DDX10: variants seen among roughly 807,000 people sequenced by gnomAD.
The protein encoded by DDX10 is DEAD-box helicase 10.
Under a neutral mutation model 104.3 loss-of-function variants are expected in DDX10, and 74 were observed. The observed-to-expected ratio is 0.71, with a 90% CI of 0.59 to 0.86. The LOEUF is 0.86. Ranked by LOEUF, DDX10 falls within the 40% of genes least tolerant of loss-of-function variation. The probability of loss-of-function intolerance (pLI) is 0.00; values close to 1 mark genes in which losing one functional copy is unlikely to be tolerated. For missense variants in DDX10, 952 were observed against 1,040.0 expected (o/e 0.92, Z 1.16); for synonymous variants, 351 against 353.4 (o/e 0.99, Z 0.08).
intron 13 of DDX10, among the ~76,000 whole-genome samples, chr11:108,804,574 C>G (rs1862071720): frequency 6.6e-6 from 1 of 150,922 alleles, no homozygotes; most frequent in South Asian, 2.1e-4. Context: ...TTTATTATCT[C>G]TTGTTTTCTT....
At chr11:108,757,947 CTT>C (rs1418576439) in intron 13 of DDX10, among the ~76,000 whole-genome samples, 7 of 151,996 alleles carry the variant, frequency 4.6e-5, no homozygotes. Flanking sequence ...ACCTGGCAAA[CTT>C]TAAACCAGAA....
intron 16 of DDX10, among the ~76,000 whole-genome samples, chr11:108,899,781 A>G (rs1863491522): frequency 6.6e-6 from 1 of 152,122 alleles, no homozygotes; most frequent in Admixed American, 6.5e-5. Context: ...TGTCCTCGCA[A>G]TAGTGAGTGA....
intron 13 of DDX10, among the ~76,000 whole-genome samples, chr11:108,749,486 T>C (rs1254599476): frequency 6.6e-6 from 1 of 152,154 alleles, no homozygotes; most frequent in Non-Finnish European, 1.5e-5. Flanking sequence ...GAGCTGATCG[T>C]TTTTTGTTAC....
intron 13 of DDX10, among the ~76,000 whole-genome samples, chr11:108,799,270 T>C (rs1454289695): frequency 6.6e-6 from 1 of 152,212 alleles, no homozygotes; most frequent in African/African-American, 2.4e-5. Context: ...TATTCTCCCT[T>C]TCACCAGATT....
chr11:108,825,336 G>C (rs1395143883), intron 13 of DDX10, among the ~76,000 whole-genome samples: 1 of 152,184 alleles, frequency 6.6e-6, no homozygotes, highest in Non-Finnish European at 1.5e-5. Flanking sequence ...TTTTTCTTAA[G>C]ATATTTAATT....
intron 6 of DDX10, among the ~76,000 whole-genome samples, chr11:108,685,326 C>T (rs1374178400): frequency 4.6e-5 from 7 of 151,094 alleles, no homozygotes; most frequent in South Asian, 2.1e-4. Flanking sequence ...TTCTTTGACT[C>T]GGAAAGGGAA....
chr11:108,707,046 C>G (rs2094277133), intron 10 of DDX10, among the ~76,000 whole-genome samples: 1 of 152,276 alleles, frequency 6.6e-6, no homozygotes, highest in East Asian at 1.9e-4. Context: ...CCCAAACATG[C>G]ACAGCCTCTG....
intron 1 of DDX10, among the ~76,000 whole-genome samples, chr11:108,667,338 A>G (rs1022097206): frequency 7.9e-5 from 12 of 152,252 alleles, no homozygotes; most frequent in Non-Finnish European, 1.5e-4. Context: ...TACTTCTGCT[A>G]GAATGATTCT....
chr11:108,672,479 T>C (rs2094218410), intron 1 of DDX10, among the ~76,000 whole-genome samples: 1 of 152,234 alleles, frequency 6.6e-6, no homozygotes. Context: ...TCCTTTCCAG[T>C]GATATCTGAA....
intron 16 of DDX10, among the ~76,000 whole-genome samples, chr11:108,913,605 C>G (rs910828950): frequency 6.6e-6 from 1 of 152,132 alleles, no homozygotes; most frequent in African/African-American, 2.4e-5. Context: ...ACAGGTTTGC[C>G]TGACACAGTC....
chr11:108,736,815 C>T lies in DDX10; in HGVS notation c.1965+13353C>T, dbSNP rs549486903. 4.6e-5 allele frequency among the ~76,000 whole-genome samples: 7 copies of T among 152,252 alleles called. No homozygotes were observed. The South Asian group carries it at 1.5e-3, about 32-fold the overall frequency. ...TCCAGAACTTTGAAAAATTTCTCTTCTTTATAAATTACACTGTTCCAGGTA... is the reference window on the plus strand; with the variant it reads ...TCCAGAACTTTGAAAAATTTCTCTTTTTTATAAATTACACTGTTCCAGGTA... On this transcript the variant is annotated intron_variant, in intron 13 of 17. Transcript: ENST00000322536.
chr11:108,730,055 C>A (rs2094310162), intron 13 of DDX10: 1 of 152,764 alleles, frequency 6.5e-6, no homozygotes, highest in South Asian at 2.1e-4. Flanking sequence ...TTTGGCAATT[C>A]AGAGTAAAAG....
intron 13 of DDX10, among the ~76,000 whole-genome samples, chr11:108,809,275 C>A (rs560067927): frequency 6.6e-6 from 1 of 152,054 alleles, no homozygotes; most frequent in African/African-American, 2.4e-5. Flanking sequence ...TGTTAAAATG[C>A]GAGACATTTT....
intron 13 of DDX10, among the ~76,000 whole-genome samples, chr11:108,766,617 T>C (rs772005495): frequency 6.6e-5 from 10 of 152,244 alleles, no homozygotes; most frequent in Non-Finnish European, 1.5e-4. Flanking sequence ...TATTTGTGGT[T>C]CATAAAATTT....
chr11:108,721,211 T>C (rs1274302550), intron 12 of DDX10, among the ~76,000 whole-genome samples: 3 of 152,202 alleles, frequency 2.0e-5, no homozygotes, highest in Non-Finnish European at 4.4e-5. Context: ...TAACAGGTAA[T>C]ATGTCAGTTA....
intron 13 of DDX10, among the ~76,000 whole-genome samples, chr11:108,769,228 T>C (rs1453320809): frequency 6.6e-6 from 1 of 152,072 alleles, no homozygotes; most frequent in East Asian, 1.9e-4. Context: ...ACTTGATATG[T>C]TTCCTTTGAT....
At chr11:108,726,223 G>A (rs1393213176) in intron 13 of DDX10, among the ~76,000 whole-genome samples, 1 of 151,982 alleles carries the variant, frequency 6.6e-6, no homozygotes, top group Non-Finnish European at 1.5e-5. Flanking sequence ...TTTGGACCAT[G>A]GCATTTTCAT....
intron 13 of DDX10, among the ~76,000 whole-genome samples, chr11:108,749,151 C>T (rs565446490): frequency 1.3e-5 from 2 of 152,052 alleles, no homozygotes; most frequent in South Asian, 2.1e-4. Context: ...CTGCCCGCCT[C>T]GGCCTCCCAA....
intron 13 of DDX10, among the ~76,000 whole-genome samples, chr11:108,809,177 A>G (rs1862141846): frequency 6.6e-6 from 1 of 152,174 alleles, no homozygotes; most frequent in South Asian, 2.1e-4. Context: ...CCAAGCATTC[A>G]CTCAAACATT....
Sources: gnomAD v4.1 joint callset for allele counts (sites outside exome capture counted in the v4.1 genomes callset) on GRCh38, gnomAD v4.1.1 for gene constraint, MANE v1.5 for transcripts, NCBI Gene and HGNC (gene_info 2026-07-23, HGNC 2026-07-21) for gene names.